NRCAM: variants seen among roughly 807,000 people sequenced by gnomAD.
NRCAM encodes NgCAM-related cell adhesion molecule.
Under a neutral mutation model 156.5 loss-of-function variants are expected in NRCAM, and 83 were observed. That is an observed-to-expected ratio of 0.53 (90% CI 0.44 to 0.64). NRCAM has a LOEUF of 0.64. Among genes scored for constraint, NRCAM ranks in the 30% least tolerant of loss-of-function variants. The probability of loss-of-function intolerance (pLI) is 0.00; values close to 1 mark genes in which losing one functional copy is unlikely to be tolerated. For missense variants in NRCAM, 1,417 were observed against 1,597.3 expected (o/e 0.89, Z 1.92); for synonymous variants, 538 against 563.9 (o/e 0.95, Z 0.65).
chr7:108,242,721 T>C (rs1448952912), intron 3 of NRCAM, among the ~76,000 whole-genome samples: 1 of 152,226 alleles, frequency 6.6e-6, no homozygotes, highest in African/African-American at 2.4e-5. Context: ...CTAATGGAGA[T>C]TATTGGACTT....
chr7:108,406,797 G>A (rs2099808731), intron 1 of NRCAM, among the ~76,000 whole-genome samples: 1 of 152,140 alleles, frequency 6.6e-6, no homozygotes, highest in Admixed American at 6.5e-5. Flanking sequence ...GCAGGAGTTT[G>A]TTTATTTTGC....
chr7:108,396,580 A>G (rs953613806), intron 2 of NRCAM, among the ~76,000 whole-genome samples: 1 of 152,236 alleles, frequency 6.6e-6, no homozygotes, highest in Non-Finnish European at 1.5e-5. Flanking sequence ...TAGAAGAAAG[A>G]TTTCTAATGT....
At chr7:108,312,399 TATGATTC>T (rs1216922621) in intron 3 of NRCAM, among the ~76,000 whole-genome samples, 2 of 152,152 alleles carry the variant, frequency 1.3e-5, no homozygotes, top group Non-Finnish European at 2.9e-5. Flanking sequence ...TTCTGGGCTT[TATGATTC>T]ATGATTTACT....
At chr7:108,261,486 A>C (rs2096886535) in intron 3 of NRCAM, among the ~76,000 whole-genome samples, 1 of 152,234 alleles carries the variant, frequency 6.6e-6, no homozygotes, top group East Asian at 1.9e-4. Context: ...ATTAATCAAC[A>C]GATTTTTAGC....
intron 3 of NRCAM, among the ~76,000 whole-genome samples, chr7:108,296,800 A>T (rs989255259): frequency 2.0e-5 from 3 of 152,228 alleles, no homozygotes; most frequent in Non-Finnish European, 4.4e-5. Context: ...CTGGCAAATT[A>T]AATTAATTAT....
Position 108,378,854 on chromosome 7 carries a change from C to T in NRCAM, c.-174+20582G>A, listed in dbSNP as rs912897981. ...ATGGAAGGAGGATTATAGAAAAGAA[C>T]GGAGAAAGACAAAGGAGAGAAAAAA... is the stretch of plus-strand genomic sequence containing the variant. On this transcript the variant is annotated intron_variant, in intron 2 of 32. Coordinates refer to ENST00000379028, the MANE Select transcript of NRCAM (RefSeq NM_001037132.4). Among the ~76,000 whole-genome samples, 15 of 151,240 alleles carry T rather than the reference C, an allele frequency of 9.9e-5. No individual in the cohort carries two copies. The East Asian group carries it at 1.2e-3, about 12-fold the overall frequency.
chr7:108,443,701 T>A (rs1841159269), intron 1 of NRCAM, among the ~76,000 whole-genome samples: 1 of 152,228 alleles, frequency 6.6e-6, no homozygotes, highest in Non-Finnish European at 1.5e-5. Flanking sequence ...AAGTTGCAGC[T>A]GATTATAATC....
chr7:108,249,490 G>T (rs974791997), intron 3 of NRCAM, among the ~76,000 whole-genome samples: 1 of 152,140 alleles, frequency 6.6e-6, no homozygotes, highest in Admixed American at 6.5e-5. Context: ...TCTTTATACA[G>T]GCTATGTGAA....
At chr7:108,418,560 T>C (rs899484163) in intron 1 of NRCAM, among the ~76,000 whole-genome samples, 5 of 143,732 alleles carry the variant, frequency 3.5e-5, no homozygotes, top group Admixed American at 7.0e-5. Flanking sequence ...ATACATATTA[T>C]ACACACACAC....
intron 1 of NRCAM, among the ~76,000 whole-genome samples, chr7:108,427,362 G>A (rs992429257): frequency 6.6e-6 from 1 of 152,190 alleles, no homozygotes; most frequent in Non-Finnish European, 1.5e-5. Flanking sequence ...CCTCCGACAA[G>A]GCTGTTAAAG....
intron 3 of NRCAM, among the ~76,000 whole-genome samples, chr7:108,298,361 A>C (rs907146651): frequency 3.3e-5 from 5 of 151,686 alleles, no homozygotes; most frequent in African/African-American, 7.3e-5. Context: ...CGCCAAAAAA[A>C]CCCGCAGGGC....
intron 3 of NRCAM, among the ~76,000 whole-genome samples, chr7:108,290,203 T>C (rs2098243721): frequency 6.6e-6 from 1 of 152,200 alleles, no homozygotes; most frequent in East Asian, 1.9e-4. Flanking sequence ...CCTTTTTGCC[T>C]TTCCTAATCT....
intron 20 of NRCAM, among the ~76,000 whole-genome samples, chr7:108,185,863 T>C (rs1235606820): frequency 1.3e-5 from 2 of 152,266 alleles, no homozygotes; most frequent in Non-Finnish European, 1.5e-5. Flanking sequence ...ACTATGCTTG[T>C]GTAAATGTAA....
intron 3 of NRCAM, among the ~76,000 whole-genome samples, chr7:108,286,325 G>A (rs1484793355): frequency 2.6e-5 from 4 of 152,068 alleles, no homozygotes; most frequent in South Asian, 2.1e-4. Context: ...GGTGTTGGTC[G>A]TGAATGATCT....
intron 2 of NRCAM, among the ~76,000 whole-genome samples, chr7:108,378,632 A>C (rs1213903170): frequency 8.6e-6 from 1 of 115,900 alleles, no homozygotes; most frequent in Non-Finnish European, 1.8e-5. Flanking sequence ...AGCAGGATTC[A>C]ACACACACAC....
chr7:108,181,020 C>T (rs1472843244), intron 24 of NRCAM, among the ~76,000 whole-genome samples: 1 of 151,970 alleles, frequency 6.6e-6, no homozygotes, highest in African/African-American at 2.4e-5. Flanking sequence ...GTTTAAAATA[C>T]TTTTTTTTGT....
intron 1 of NRCAM, among the ~76,000 whole-genome samples, chr7:108,405,718 T>C (rs1490579269): frequency 6.6e-6 from 1 of 152,192 alleles, no homozygotes; most frequent in Non-Finnish European, 1.5e-5. Flanking sequence ...AGAAAAGCAG[T>C]ATCTTTAGAT....
At chr7:108,156,350 T>G (rs536278003) in intron 32 of NRCAM, 6 of 984,644 alleles carry the variant, frequency 6.1e-6, no homozygotes, top group Non-Finnish European at 7.2e-6. Context: ...ATTCTGGTTT[T>G]AAGGAAAATG....
chr7:108,276,286 C>T lies in NRCAM; in HGVS notation c.-106-36116G>A, dbSNP rs1448500756. 1.3e-5 allele frequency among the ~76,000 whole-genome samples: 2 copies of T among 152,108 alleles called. 1 individual carries two copies. Among genetic ancestry groups the T allele is most frequent in the South Asian group, 4.2e-4 (2 of 4,812 alleles). ...GAGTTGAGTTCAAGTCCTGGATATCCTTGTTAATTTTCTGTCTTGTTGATC... is the reference window on the plus strand; with the variant it reads ...GAGTTGAGTTCAAGTCCTGGATATCTTTGTTAATTTTCTGTCTTGTTGATC... On this transcript the variant is annotated intron_variant, in intron 3 of 32. Transcript: ENST00000379028.
Sources: gnomAD v4.1 joint callset for allele counts (sites outside exome capture counted in the v4.1 genomes callset) on GRCh38, gnomAD v4.1.1 for gene constraint, MANE v1.5 for transcripts, NCBI Gene and HGNC (gene_info 2026-07-23, HGNC 2026-07-21) for gene names.